SPAG17: variants seen among roughly 807,000 people sequenced by gnomAD.
SPAG17 encodes sperm associated antigen 17.
In SPAG17, 169 loss-of-function variants were observed where a neutral mutation model predicts 273.6. The observed-to-expected ratio is 0.62, with a 90% CI of 0.55 to 0.70. SPAG17 has a LOEUF of 0.70. Among genes scored for constraint, SPAG17 ranks in the 30% least tolerant of loss-of-function variants. The probability of loss-of-function intolerance (pLI) is 0.00; values close to 1 mark genes in which losing one functional copy is unlikely to be tolerated. For missense variants in SPAG17, 2,557 were observed against 2,627.8 expected, an observed-to-expected ratio of 0.97 and a Z score of 0.59; for synonymous variants, 825 against 873.2, an observed-to-expected ratio of 0.94 and a Z score of 0.97.
chr1:118,073,539 T>A (rs972959209), intron 17 of SPAG17, among the ~76,000 whole-genome samples: 11 of 152,176 alleles, frequency 7.2e-5, no homozygotes, highest in Non-Finnish European at 1.3e-4. Flanking sequence ...TTTTTCCCAA[T>A]AAAACCTTAC....
In SPAG17 at chr1:117,996,420, T is replaced by A. The variant is rs1022297231; in HGVS notation, c.5003A>T (p.Tyr1668Phe). The A allele has an allele frequency of 6.2e-7, 1 of 1,613,148 alleles. No individual in the cohort carries two copies. The change falls in exon 34 of 49, where the codon TAT becomes TTT. Residue 1668 changes from tyrosine (Y) to phenylalanine (F), a missense_variant. Tyr to Phe is a conservative substitution (Grantham distance 22, BLOSUM62 3). Transcript: ENST00000336338. ...GAGAACAACAGTATTTGATTCTTTA[T>A]ATGCCAAAGATAGATATTCTTCTAT... ...SDIEEYLSLA[Y>F]KESNTVVLQE...
At chr1:118,076,393 AT>A (rs903610740) in intron 15 of SPAG17, 4 of 152,130 alleles carry the variant, frequency 2.6e-5, no homozygotes, top group African/African-American at 9.7e-5. Context: ...TGAACGTTCC[AT>A]TTTGATTTAG....
intron 1 of SPAG17, among the ~76,000 whole-genome samples, chr1:118,162,264 C>T (rs1300542289): frequency 6.6e-6 from 1 of 151,142 alleles, no homozygotes; most frequent in Non-Finnish European, 1.5e-5. Flanking sequence ...ATAGCTCTTT[C>T]AATGGTGTAA....
intron 3 of SPAG17, among the ~76,000 whole-genome samples, chr1:118,132,598 G>T (rs945176657): frequency 6.6e-6 from 1 of 152,036 alleles, no homozygotes; most frequent in Non-Finnish European, 1.5e-5. Flanking sequence ...TTGTGTAATG[G>T]TAAACTACAC....
In SPAG17 at chr1:117,992,786, C is replaced by T. The variant is rs1571174467; in HGVS notation, c.5179-138G>A. 4.0e-6 allele frequency: 3 copies of T among 757,944 alleles called. No homozygotes were observed. The East Asian group carries it at 8.9e-5, about 23-fold the overall frequency. The allele number at this position is 757,944 out of a possible 1,614,324, so 47.0% of individuals were successfully genotyped here. ...ACAGTGGTGAAAAAAAATCCTTAAC[C>T]TCAAAAAGTTCTGCAAATATAAGGA... is the stretch of plus-strand genomic sequence containing the variant. On this transcript the variant is annotated intron_variant, in intron 35 of 48. Coordinates refer to ENST00000336338, the MANE Select transcript of SPAG17 (RefSeq NM_206996.4).
chr1:118,180,655 T>C (rs1355338688), intron 1 of SPAG17, among the ~76,000 whole-genome samples: 3 of 152,058 alleles, frequency 2.0e-5, no homozygotes, highest in African/African-American at 7.2e-5. Context: ...CTTATAGTCA[T>C]TTGATCTTTT....
At chr1:118,168,503 G>A (rs796807240) in intron 1 of SPAG17, among the ~76,000 whole-genome samples, 8 of 152,234 alleles carry the variant, frequency 5.3e-5, no homozygotes, top group South Asian at 2.1e-4. Context: ...ATGAGGCTAC[G>A]GTAGTAACAA....
intron 48 of SPAG17, 49 bp downstream of exon 48, chr1:117,963,750 T>A (rs3738421): frequency 0.017 from 26,262 of 1,560,698 alleles, 875 homozygotes; most frequent in South Asian, 0.11. Flanking sequence ...GTCTAATACC[T>A]CAAATTTGAA....
chr1:117,987,260 T>C (rs1321696239), intron 40 of SPAG17, among the ~76,000 whole-genome samples: 1 of 152,198 alleles, frequency 6.6e-6, no homozygotes, highest in Non-Finnish European at 1.5e-5. Context: ...TAAAGTCTTA[T>C]CTCAGCACTC....
chr1:118,174,654 C>A (rs1369280204), intron 1 of SPAG17, among the ~76,000 whole-genome samples: 1 of 151,986 alleles, frequency 6.6e-6, no homozygotes, highest in Non-Finnish European at 1.5e-5. Flanking sequence ...TATGATAAAC[C>A]CAAAGAGACA....
intron 48 of SPAG17, chr1:117,959,442 A>G: frequency 6.2e-7 from 1 of 1,602,402 alleles, no homozygotes; most frequent in South Asian, 1.1e-5. Flanking sequence ...TCTAACGTTG[A>G]CTTAGAACTG....
chr1:117,959,200 A>T (rs774320390), intron 48 of SPAG17: 4 of 1,472,210 alleles, frequency 2.7e-6, no homozygotes, highest in Non-Finnish European at 3.7e-6. Context: ...AAGTAACAAC[A>T]CCTGAAGCTT....
At chr1:118,070,535 G>A (rs1240525656) in intron 17 of SPAG17, among the ~76,000 whole-genome samples, 1 of 152,162 alleles carries the variant, frequency 6.6e-6, no homozygotes, top group Non-Finnish European at 1.5e-5. Context: ...CACACTGACA[G>A]AGAAGTACAT....
At chr1:118,152,644 A>AGT (rs923402658) in intron 1 of SPAG17, among the ~76,000 whole-genome samples, 9 of 152,080 alleles carry the variant, frequency 5.9e-5, no homozygotes, top group African/African-American at 2.2e-4. Flanking sequence ...TTACTTGCAA[A>AGT]GTGTGTGTGT....
At chr1:118,168,660 G>T (rs1037829364) in intron 1 of SPAG17, among the ~76,000 whole-genome samples, 5 of 152,194 alleles carry the variant, frequency 3.3e-5, no homozygotes, top group African/African-American at 1.2e-4. Context: ...CATATATTCT[G>T]TAAGAGAATA....
intron 17 of SPAG17, among the ~76,000 whole-genome samples, chr1:118,071,315 A>G (rs1220549831): frequency 6.6e-6 from 1 of 152,232 alleles, no homozygotes; most frequent in Non-Finnish European, 1.5e-5. Context: ...TTCATGGAGA[A>G]GACAACTTCA....
chr1:117,989,470 C>T (rs1449509275), intron 38 of SPAG17, among the ~76,000 whole-genome samples: 1 of 152,052 alleles, frequency 6.6e-6, no homozygotes, highest in Admixed American at 6.6e-5. Flanking sequence ...ATTCACTCAC[C>T]ACCAAGAGGA....
intron 4 of SPAG17, among the ~76,000 whole-genome samples, chr1:118,104,373 G>A (rs543366291): frequency 5.3e-4 from 81 of 152,274 alleles, no homozygotes; most frequent in Non-Finnish European, 1.0e-3. Context: ...TACTTAAGGT[G>A]GACAGAATAT....
intron 15 of SPAG17, among the ~76,000 whole-genome samples, chr1:118,080,451 A>G (rs1654454864): frequency 6.6e-6 from 1 of 152,170 alleles, no homozygotes; most frequent in African/African-American, 2.4e-5. Flanking sequence ...AGATGGAAAA[A>G]GGTTTTGGGA....
Sources: gnomAD v4.1 joint callset for allele counts (sites outside exome capture counted in the v4.1 genomes callset) on GRCh38, gnomAD v4.1.1 for gene constraint, MANE v1.5 for transcripts, NCBI Gene and HGNC (gene_info 2026-07-23, HGNC 2026-07-21) for gene names.